Variants in ABCG1 observed in about 807,000 individuals in gnomAD.
ABCG1 encodes the protein ATP binding cassette subfamily G member 1.
Under a neutral mutation model 69.2 loss-of-function variants are expected in ABCG1, and 29 were observed. The observed-to-expected ratio is 0.42, with a 90% CI of 0.31 to 0.57. The LOEUF (loss-of-function observed/expected upper bound fraction) is 0.57. Among genes scored for constraint, ABCG1 ranks in the 20% least tolerant of loss-of-function variants. ABCG1 has a pLI of 0.15. For synonymous variants in ABCG1, 370 were observed against 374.8 expected (o/e 0.99, Z 0.15); for missense variants, 718 against 898.1 (o/e 0.80, Z 2.56).
chr21:42,259,928 G>A (rs1775663561), intron 2 of ABCG1: 1 of 1,465,022 alleles, frequency 6.8e-7, no homozygotes, highest in Admixed American at 2.7e-5. Flanking sequence ...CTGAAGCTCA[G>A]CAGCTGTGGG....
At chr21:42,270,188 A>G (rs2068590486) in intron 2 of ABCG1, among the ~76,000 whole-genome samples, 1 of 140,768 alleles carries the variant, frequency 7.1e-6, no homozygotes, top group Non-Finnish European at 1.5e-5. Flanking sequence ...TGAACCCGGG[A>G]GGCGGAACTT....
At chr21:42,283,668 G>A (rs577283064) in intron 6 of ABCG1, among the ~76,000 whole-genome samples, 10 of 125,108 alleles carry the variant, frequency 8.0e-5, no homozygotes, top group African/African-American at 3.0e-4. Context: ...CCACCCAAAT[G>A]AGTGGGGAAC....
Position 42,282,430 on chromosome 21 carries a change from A to G in ABCG1, c.734+11A>G, listed in dbSNP as rs144021154. The G allele has an allele frequency of 2.5e-4, 400 of 1,606,818 alleles. 4 individuals are homozygous for G. The African/African-American group carries it at 4.5e-3, about 18-fold the overall frequency. Reference sequence around the variant, plus strand: ...CGATGAGCCCACCAGGTAAGTCAGGAGCATCTGAGCTGGTGTCCAGGGGCA... The same window carrying G: ...CGATGAGCCCACCAGGTAAGTCAGGGGCATCTGAGCTGGTGTCCAGGGGCA... On this transcript the variant is annotated intron_variant, in intron 6 of 14. Transcript: ENST00000398449.
chr21:42,224,100 T>C (rs1813462132), intron 1 of ABCG1, among the ~76,000 whole-genome samples: 1 of 152,228 alleles, frequency 6.6e-6, no homozygotes, highest in South Asian at 2.1e-4. Context: ...CCCAGCGCGT[T>C]CTGTGTCTTT....
At chr21:42,256,377 C>A in intron 2 of ABCG1, 1 of 1,550,338 alleles carries the variant, frequency 6.5e-7, no homozygotes, top group Non-Finnish European at 8.7e-7. Flanking sequence ...TCTGTCTGTA[C>A]CGCCATTCTC....
chr21:42,202,486 G>T (rs2067513895), intron 2 of ABCG1, among the ~76,000 whole-genome samples: 1 of 151,976 alleles, frequency 6.6e-6, no homozygotes, highest in Non-Finnish European at 1.5e-5. Context: ...TTAGAGGAGG[G>T]GTGTGATCTC....
chr21:42,222,735 G>A (rs1354802748), intron 1 of ABCG1, among the ~76,000 whole-genome samples: 1 of 152,208 alleles, frequency 6.6e-6, no homozygotes, highest in Non-Finnish European at 1.5e-5. Flanking sequence ...ATATAGGTTA[G>A]AGTTTAATAG....
At chr21:42,240,488 T>A (rs2048450107) in intron 2 of ABCG1, among the ~76,000 whole-genome samples, 1 of 152,278 alleles carries the variant, frequency 6.6e-6, no homozygotes, top group Admixed American at 6.5e-5. Context: ...TCTCGCTTTG[T>A]CACCCAGTCT....
At chr21:42,221,874 T>G (rs1466296500) in intron 1 of ABCG1, among the ~76,000 whole-genome samples, 1 of 152,100 alleles carries the variant, frequency 6.6e-6, no homozygotes, top group East Asian at 1.9e-4. Flanking sequence ...GGCCTGTGGG[T>G]GGCTTACTGA....
At chr21:42,277,632 T>G (rs918748791) in intron 5 of ABCG1, among the ~76,000 whole-genome samples, 2 of 152,196 alleles carry the variant, frequency 1.3e-5, no homozygotes, top group African/African-American at 4.8e-5. Context: ...CTAGTGCTGG[T>G]GGGATTTTCA....
chr21:42,236,716 G>A (rs2067983105), intron 2 of ABCG1, among the ~76,000 whole-genome samples: 1 of 152,168 alleles, frequency 6.6e-6, no homozygotes, highest in Non-Finnish European at 1.5e-5. Flanking sequence ...AACCCACTAA[G>A]CCAACAGGGG....
chr21:42,236,951 T>G (rs2123576869), intron 2 of ABCG1, among the ~76,000 whole-genome samples: 1 of 152,326 alleles, frequency 6.6e-6, no homozygotes, highest in South Asian at 2.1e-4. Flanking sequence ...GCTGCAGGTT[T>G]CCTGTTTCTG....
rs762810365 is a variant in ABCG1, at chr21:42,288,010, T to C, written c.1095T>C (p.Pro365=). Residue 365 remains proline, a synonymous_variant, in exon 9 of 15, where the codon CCT becomes CCC. Coordinates refer to ENST00000398449, the MANE Select transcript of ABCG1 (RefSeq NM_016818.3). This position sits in a 1 kb window ranked among gnomAD's most constrained non-coding sequence, Gnocchi z 4.8. ...RDLGGDAEVN[P]FLWHRPSEED... is the part of the protein sequence containing the mutation. ...TCGGGGGTGATGCCGAGGTGAACCC[T>C]TTTCTTTGGCACCGGCCCTCTGAAG... 7 of 1,612,266 alleles carry C rather than the reference T, an allele frequency of 4.3e-6. No homozygotes were observed. In the South Asian group the frequency reaches 7.7e-5, roughly 18 times the overall value.
chr21:42,291,475 G>A lies in ABCG1; in HGVS notation c.1495-23G>A, dbSNP rs201641125. On this transcript the variant is annotated intron_variant, in intron 12 of 14. Coordinates refer to ENST00000398449, the MANE Select transcript of ABCG1 (RefSeq NM_016818.3). The surrounding 1 kb of genome is among the most constrained non-coding windows in gnomAD (Gnocchi z 6.4). ...TGTGGTGGGAAGCGGCTGAGCCCGC[G>A]GCTGACGGGTCCTTGTTTCCAGATC... 123 of 1,596,676 alleles carry A rather than the reference G, an allele frequency of 7.7e-5. 1 individual carries two copies. The highest frequency in any genetic ancestry group is 6.1e-4 in the South Asian group (55 of 89,684).
intron 11 of ABCG1, among the ~76,000 whole-genome samples, chr21:42,290,453 T>C (rs1382727409): frequency 1.3e-5 from 2 of 152,232 alleles, no homozygotes; most frequent in Non-Finnish European, 2.9e-5. Flanking sequence ...TTAAGCATGA[T>C]GGAAGGCTGA....
intron 2 of ABCG1, among the ~76,000 whole-genome samples, chr21:42,249,560 G>A (rs1374367791): frequency 6.6e-6 from 1 of 152,218 alleles, no homozygotes; most frequent in Non-Finnish European, 1.5e-5. Context: ...TGAGAATTAA[G>A]TGAGTTAATG....
At chr21:42,211,159 C>CGGTG (rs2067585722), upstream of ABCG1, among the ~76,000 whole-genome samples, 1 of 152,042 alleles carries the variant, frequency 6.6e-6, no homozygotes, top group Non-Finnish European at 1.5e-5. Flanking sequence ...AGGGTTTCAC[C>CGGTG]GCGTTGGCCA....
chr21:42,240,594 G>A (rs2068037240), intron 2 of ABCG1, among the ~76,000 whole-genome samples: 1 of 152,210 alleles, frequency 6.6e-6, no homozygotes, highest in Non-Finnish European at 1.5e-5. Flanking sequence ...GGGATTACAG[G>A]CGCCCATCAC....
intron 2 of ABCG1, among the ~76,000 whole-genome samples, chr21:42,228,625 T>C (rs2067854743): frequency 1.3e-5 from 2 of 152,172 alleles, no homozygotes; most frequent in Admixed American, 1.3e-4. Flanking sequence ...CTCTGTGCAC[T>C]CCGACACAGT....
Sources: allele counts gnomAD v4.1 joint callset (sites outside exome capture counted in the v4.1 genomes callset), GRCh38; gene constraint gnomAD v4.1.1; non-coding constraint Gnocchi (gnomAD v3.1); transcripts MANE v1.5; gene names NCBI Gene and HGNC (gene_info 2026-07-23, HGNC 2026-07-21).